Variants in CHSY1 observed in about 807,000 individuals in gnomAD.
CHSY1 encodes N-acetylgalactosaminyl-proteoglycan 3-beta-glucuronosyltransferase 1.
CHSY1 carries 13 observed loss-of-function variants against 59.8 expected under a neutral mutation model. The observed-to-expected ratio is 0.22, with a 90% CI of 0.14 to 0.35. The LOEUF (loss-of-function observed/expected upper bound fraction) is 0.35. Among genes scored for constraint, CHSY1 ranks in the 10% least tolerant of loss-of-function variants. The pLI, the probability that CHSY1 is intolerant of heterozygous loss-of-function variation, is 1.00. For missense variants in CHSY1, 947 were observed against 1,030.6 expected, an observed-to-expected ratio of 0.92 and a Z score of 1.11; for synonymous variants, 459 against 401.2, an observed-to-expected ratio of 1.14 and a Z score of -1.72.
At position 101,178,842 on chromosome 15, in the gene CHSY1, T is replaced by C. The variant is rs375434430; in HGVS notation, c.955A>G (p.Met319Val). The change falls in exon 3 of 3, where the codon ATG becomes GTG. Residue 319 changes from methionine (M) to valine (V), a missense_variant. Met to Val is a conservative substitution (Grantham distance 21). Transcript: ENST00000254190. ...AGCTCGGATATCTTGCGGCTCAGCA[T>C]GTAGCTGTGGAGCCTGTACTGGTAG... is the stretch of plus-strand genomic sequence containing the variant. ...PPYQYRLHSY[M>V]LSRKISELRH... 9.0e-5 allele frequency: 146 copies of C among 1,614,230 alleles called. No homozygotes were observed. Among genetic ancestry groups the C allele is most frequent in the Middle Eastern group, 1.6e-4 (1 of 6,062 alleles).
intron 2 of CHSY1, among the ~76,000 whole-genome samples, chr15:101,219,929 G>A (rs1202039488): frequency 6.6e-6 from 1 of 152,120 alleles, no homozygotes; most frequent in African/African-American, 2.4e-5. Context: ...ACCACGCCCG[G>A]CTAATTTTGT....
intron 2 of CHSY1, among the ~76,000 whole-genome samples, chr15:101,196,527 A>G (rs1378332042): frequency 6.6e-6 from 1 of 152,196 alleles, no homozygotes; most frequent in South Asian, 2.1e-4. Context: ...ATCTTAGGGT[A>G]TAACTCATGT....
intron 2 of CHSY1, among the ~76,000 whole-genome samples, chr15:101,219,117 A>G (rs1217381674): frequency 6.6e-6 from 1 of 152,240 alleles, no homozygotes. Context: ...AGAGGCTTAG[A>G]AGAATGCAGT....
At chr15:101,182,100 T>A (rs1008672115) in intron 2 of CHSY1, among the ~76,000 whole-genome samples, 1 of 152,220 alleles carries the variant, frequency 6.6e-6, no homozygotes, top group African/African-American at 2.4e-5. Flanking sequence ...GGATGGGCCA[T>A]TGCAGCTGCA....
chr15:101,180,774 C>G (rs779884957), intron 2 of CHSY1, among the ~76,000 whole-genome samples: 24 of 152,324 alleles, frequency 1.6e-4, no homozygotes, highest in Non-Finnish European at 2.8e-4. Context: ...GGCCCTGCCA[C>G]AAGGCTTGGA....
intron 2 of CHSY1, among the ~76,000 whole-genome samples, chr15:101,210,422 A>G (rs2038672034): frequency 6.6e-6 from 1 of 152,258 alleles, no homozygotes; most frequent in Non-Finnish European, 1.5e-5. Context: ...ATACAGAGAC[A>G]CTAGATGGAT....
At chr15:101,204,920 A>C (rs909565084) in intron 2 of CHSY1, among the ~76,000 whole-genome samples, 16 of 152,054 alleles carry the variant, frequency 1.1e-4, no homozygotes, top group African/African-American at 3.6e-4. Flanking sequence ...CACACACACA[A>C]AAAAGACCAT....
intron 2 of CHSY1, among the ~76,000 whole-genome samples, chr15:101,189,976 G>C (rs8033531): frequency 0.28 from 43,286 of 152,124 alleles, 7,012 homozygotes; most frequent in African/African-American, 0.45. Context: ...CCCAGCTTTG[G>C]GTCATGCGTT....
rs2038182885 is a variant in CHSY1 at position 101,176,019 on chromosome 15, C to T, written c.*1369G>A. On this transcript the variant is annotated 3_prime_UTR_variant, in exon 3 of 3. Coordinates refer to ENST00000254190, the MANE Select transcript of CHSY1 (RefSeq NM_014918.5). ...TCATTTCACTTTTGTCCCCAAAACA[C>T]ATGAGCACCAAAATTGTCAAAGAAC... The T allele has an allele frequency of 2.8e-6, 1 of 358,128 alleles. No homozygotes were observed. The highest frequency in any genetic ancestry group is 5.0e-6 in the Non-Finnish European group (1 of 201,612). The allele number at this position is 358,128 out of a possible 1,614,324, so 22.2% of individuals were successfully genotyped here. A position where few individuals can be genotyped will look rare whatever the true frequency, so the allele number is the denominator to read the frequency against.
At chr15:101,232,762 A>G (rs2038903834) in intron 2 of CHSY1, among the ~76,000 whole-genome samples, 1 of 152,264 alleles carries the variant, frequency 6.6e-6, no homozygotes, top group African/African-American at 2.4e-5. Context: ...ACAACATTTC[A>G]GCAGAAATAC....
At chr15:101,215,595 C>T (rs2038723895) in intron 2 of CHSY1, among the ~76,000 whole-genome samples, 1 of 152,120 alleles carries the variant, frequency 6.6e-6, no homozygotes, top group Non-Finnish European at 1.5e-5. Context: ...ATTAGCCAGG[C>T]GTGGTAGTGC....
intron 2 of CHSY1, among the ~76,000 whole-genome samples, chr15:101,200,394 G>A (rs895175976): frequency 1.3e-5 from 2 of 152,190 alleles, no homozygotes; most frequent in Non-Finnish European, 2.9e-5. Flanking sequence ...CTCACAGGCT[G>A]TGTCCTCGAG....
chr15:101,235,938 A>G (rs2038936586), intron 1 of CHSY1, among the ~76,000 whole-genome samples: 1 of 152,348 alleles, frequency 6.6e-6, no homozygotes, highest in East Asian at 1.9e-4. Flanking sequence ...AAACAAAATC[A>G]AATGGTTCAC....
intron 2 of CHSY1, among the ~76,000 whole-genome samples, chr15:101,229,821 C>G (rs534924270): frequency 6.6e-6 from 1 of 152,058 alleles, no homozygotes; most frequent in South Asian, 2.1e-4. Context: ...GCCTGAGAAT[C>G]GCTTGAACCG....
chr15:101,209,705 T>C (rs2038664995), intron 2 of CHSY1, among the ~76,000 whole-genome samples: 1 of 152,230 alleles, frequency 6.6e-6, no homozygotes, highest in South Asian at 2.1e-4. Context: ...ATATTTTCTA[T>C]GTTTAATTCT....
intron 1 of CHSY1, among the ~76,000 whole-genome samples, chr15:101,244,684 A>G (rs1440052052): frequency 6.6e-6 from 1 of 152,218 alleles, no homozygotes; most frequent in Non-Finnish European, 1.5e-5. Flanking sequence ...GTTTTACTTT[A>G]AACACAGAAG....
chr15:101,234,912 G>A (rs1191597786), intron 2 of CHSY1, among the ~76,000 whole-genome samples, 170 bp downstream of exon 2: 1 of 143,648 alleles, frequency 7.0e-6, no homozygotes, highest in African/African-American at 2.9e-5. Context: ...CCAAGAAAAG[G>A]TAATAAAGGG....
intron 2 of CHSY1, among the ~76,000 whole-genome samples, chr15:101,207,578 A>G (rs111588628): frequency 2.5e-4 from 38 of 152,360 alleles, no homozygotes; most frequent in Middle Eastern, 3.4e-3. Context: ...AATGGAATAC[A>G]GAAATAATTA....
intron 2 of CHSY1, among the ~76,000 whole-genome samples, chr15:101,230,718 C>T (rs1215898774): frequency 6.6e-6 from 1 of 152,116 alleles, no homozygotes; most frequent in Non-Finnish European, 1.5e-5. Context: ...ATATATGCCT[C>T]CTCATAAAAA....
Sources: gnomAD v4.1 joint callset for allele counts (sites outside exome capture counted in the v4.1 genomes callset) on GRCh38, gnomAD v4.1.1 for gene constraint, MANE v1.5 for transcripts, NCBI Gene and HGNC (gene_info 2026-07-23, HGNC 2026-07-21) for gene names.